Variants in CALCR observed in about 807,000 individuals in gnomAD.
The protein encoded by CALCR is calcitonin receptor.
CALCR carries 47 observed loss-of-function variants against 59.5 expected under a neutral mutation model. The ratio of observed to expected loss-of-function variants is 0.79; its 90% CI spans 0.63 to 1.01. The LOEUF is 1.01. Ranked by LOEUF, CALCR falls within the 50% of genes least tolerant of loss-of-function variation. CALCR has a pLI of 0.00. For missense variants in CALCR, 566 were observed against 597.1 expected (o/e 0.95, Z 0.54); for synonymous variants, 213 against 211.3 (o/e 1.01, Z -0.07).
intron 8 of CALCR, among the ~76,000 whole-genome samples, chr7:93,454,919 T>TGA (rs1491049568): frequency 2.6e-5 from 1 of 38,376 alleles, no homozygotes; most frequent in Non-Finnish European, 7.4e-5. Flanking sequence ...GGGCATTTTG[T>TGA]GTGTGTGTGT....
intron 2 of CALCR, among the ~76,000 whole-genome samples, chr7:93,548,419 A>T (rs557246819): frequency 2.6e-4 from 40 of 152,294 alleles, no homozygotes; most frequent in African/African-American, 9.6e-4. Flanking sequence ...AAGCTGAAAA[A>T]TTACACATAA....
At chr7:93,529,211 A>G (rs975952248) in intron 2 of CALCR, among the ~76,000 whole-genome samples, 2 of 151,132 alleles carry the variant, frequency 1.3e-5, no homozygotes, top group African/African-American at 4.9e-5. Context: ...GCTTAGCACT[A>G]TCCTTTCGGT....
At chr7:93,484,850 C>G (rs1208649336) in intron 3 of CALCR, among the ~76,000 whole-genome samples, 1 of 151,576 alleles carries the variant, frequency 6.6e-6, no homozygotes, top group Admixed American at 6.6e-5. Context: ...CACTGTATAC[C>G]AACTGCTGCT....
intron 2 of CALCR, among the ~76,000 whole-genome samples, chr7:93,525,133 G>T (rs941286667): frequency 3.5e-5 from 5 of 142,612 alleles, no homozygotes; most frequent in African/African-American, 1.2e-4. Context: ...TAGACTCAGG[G>T]AAACAAAAAA....
chr7:93,510,792 T>C (rs909683786), intron 2 of CALCR, among the ~76,000 whole-genome samples: 1 of 151,610 alleles, frequency 6.6e-6, no homozygotes, highest in Admixed American at 6.6e-5. Flanking sequence ...AGCCCAGGAG[T>C]TCAAAGCTGC....
rs376632735 is a variant in CALCR, at chr7:93,460,832, G to A, written c.637C>T (p.Arg213Ter). Residue 213 changes from arginine to a stop codon, truncating the protein, a stop_gained, in exon 8 of 14, where the codon CGA becomes TGA. Coordinates refer to ENST00000426151, the MANE Select transcript of CALCR (RefSeq NM_001742.4). LOFTEE classifies it high-confidence loss of function. Reference protein sequence around the residue: ...VEVVPNGELVRRDPVSCKILH... With the variant: ...VEVVPNGELV ...TATGCAGTACTTACCGGGTCCCTTC[G>A]CACGAGCTCTCCATTGGGTACTACT... is the stretch of plus-strand genomic sequence containing the variant. 11 of 1,605,974 alleles carry A rather than the reference G, an allele frequency of 6.8e-6. No homozygotes were observed. Among genetic ancestry groups the A allele is most frequent in the South Asian group, 2.2e-5 (2 of 89,778 alleles).
At chr7:93,448,599 A>G (rs1800049522) in intron 8 of CALCR, among the ~76,000 whole-genome samples, 1 of 151,986 alleles carries the variant, frequency 6.6e-6, no homozygotes, top group Admixed American at 6.6e-5. Flanking sequence ...ACTATGTACA[A>G]TGATTTCTAA....
intron 8 of CALCR, among the ~76,000 whole-genome samples, chr7:93,460,581 A>ATATATGTG (rs1800305311): frequency 1.9e-5 from 2 of 107,670 alleles, no homozygotes; most frequent in African/African-American, 1.1e-4. Flanking sequence ...AAATATATAT[A>ATATATGTG]TATATATATA....
At chr7:93,452,367 C>A (rs1450661920) in intron 8 of CALCR, among the ~76,000 whole-genome samples, 2 of 151,918 alleles carry the variant, frequency 1.3e-5, no homozygotes, top group African/African-American at 4.8e-5. Flanking sequence ...GAATTACAGG[C>A]CTTTTTGTCA....
chr7:93,460,806 C>T lies in CALCR; in HGVS notation c.648+15G>A. 1.9e-6 allele frequency: 3 copies of T among 1,558,502 alleles called. No individual in the cohort carries two copies. The highest frequency in any genetic ancestry group is 2.6e-6 in the Non-Finnish European group (3 of 1,157,010). ...CTTTAAAATAAAAGTAAAAACAAAA[C>T]TATGCAGTACTTACCGGGTCCCTTC... On this transcript the variant is annotated intron_variant, in intron 8 of 13. Coordinates refer to ENST00000426151, the MANE Select transcript of CALCR (RefSeq NM_001742.4).
intron 2 of CALCR, among the ~76,000 whole-genome samples, chr7:93,530,608 A>G (rs1010644501): frequency 1.3e-5 from 2 of 152,164 alleles, no homozygotes; most frequent in Non-Finnish European, 2.9e-5. Context: ...ACAGATGGCA[A>G]TTAGTCACAC....
chr7:93,501,350 A>C (rs10260341), intron 2 of CALCR, among the ~76,000 whole-genome samples: 7,730 of 152,118 alleles, frequency 0.051, 689 homozygotes, highest in African/African-American at 0.18. Context: ...TTCACGTTTA[A>C]AAAATTGGCA....
At chr7:93,441,508 A>C (rs1269277523) in intron 9 of CALCR, 1 of 455,600 alleles carries the variant, frequency 2.2e-6, no homozygotes, top group East Asian at 7.0e-5. Context: ...ACGGATGAGA[A>C]GGCCAGGGAA....
chr7:93,527,487 T>C (rs1187427235), intron 2 of CALCR, among the ~76,000 whole-genome samples: 1 of 152,132 alleles, frequency 6.6e-6, no homozygotes, highest in Admixed American at 6.6e-5. Flanking sequence ...ATAAAAATAA[T>C]TCTTGAAATT....
intron 2 of CALCR, among the ~76,000 whole-genome samples, chr7:93,567,231 T>G (rs2116283275): frequency 6.6e-6 from 1 of 152,352 alleles, no homozygotes; most frequent in African/African-American, 2.4e-5. Context: ...AGCTGAAAGC[T>G]CTGGGGAAAC....
At chr7:93,478,119 A>G (rs1459021904) in intron 4 of CALCR, among the ~76,000 whole-genome samples, 1 of 151,886 alleles carries the variant, frequency 6.6e-6, no homozygotes, top group East Asian at 1.9e-4. Flanking sequence ...GAAAACCCCA[A>G]AAATATCAGT....
chr7:93,465,007 A>G (rs545012128), intron 7 of CALCR, among the ~76,000 whole-genome samples: 5 of 152,058 alleles, frequency 3.3e-5, no homozygotes, highest in African/African-American at 4.8e-5. Context: ...AATGTGGCCA[A>G]TGTAACGTAA....
At chr7:93,514,431 T>C (rs1801610079) in intron 2 of CALCR, among the ~76,000 whole-genome samples, 1 of 151,988 alleles carries the variant, frequency 6.6e-6, no homozygotes, top group Non-Finnish European at 1.5e-5. Context: ...CAGTCAGTGC[T>C]TCAATACTTC....
At chr7:93,554,116 TG>T (rs1347401750) in intron 2 of CALCR, among the ~76,000 whole-genome samples, 1 of 152,224 alleles carries the variant, frequency 6.6e-6, no homozygotes, top group Non-Finnish European at 1.5e-5. Flanking sequence ...CTCCACTTTT[TG>T]CTTTAGTGTG....
Sources: allele counts gnomAD v4.1 joint callset (sites outside exome capture counted in the v4.1 genomes callset), GRCh38; gene constraint gnomAD v4.1.1; transcripts MANE v1.5; gene names NCBI Gene and HGNC (gene_info 2026-07-23, HGNC 2026-07-21).